The following RAP1A variants were observed in gnomAD, a reference collection of about 807,000 sequenced individuals.
RAP1A encodes the protein RAP1A, member of RAS oncogene family.
RAP1A carries 6 observed loss-of-function variants against 26.4 expected under a neutral mutation model. The ratio of observed to expected loss-of-function variants is 0.23; its 90% confidence interval spans 0.12 to 0.45. The LOEUF (loss-of-function observed/expected upper bound fraction) is 0.45, where lower values mean the gene tolerates loss of function less well. Among genes scored for constraint, RAP1A ranks in the 20% least tolerant of loss-of-function variants. The pLI, the probability that RAP1A is intolerant of heterozygous loss-of-function variation, is 0.99. For synonymous variants in RAP1A, 73 were observed against 79.4 expected (o/e 0.92, Z 0.43); for missense variants, 121 against 217.2 (o/e 0.56, Z 2.78).
chr1:111,607,766 T>A (rs1159859089), intron 1 of RAP1A, among the ~76,000 whole-genome samples: 3,939 of 79,594 alleles, frequency 0.049, 3 homozygotes, highest in Admixed American at 0.084. Context: ...TAGGGGCGGC[T>A]GGGCAGAGGC....
intron 1 of RAP1A, among the ~76,000 whole-genome samples, chr1:111,590,412 G>A (rs1425994291): frequency 6.6e-6 from 1 of 151,786 alleles, no homozygotes; most frequent in Non-Finnish European, 1.5e-5. Context: ...ATTATTTGCT[G>A]TAAATTTTGG....
chr1:111,676,919 G>A (rs1318857693), intron 1 of RAP1A, among the ~76,000 whole-genome samples: 2 of 151,710 alleles, frequency 1.3e-5, no homozygotes, highest in Admixed American at 1.3e-4. Flanking sequence ...TCAGCCTCCC[G>A]AGTAGCCAGG....
chr1:111,694,945 T>A (rs1661780417), intron 2 of RAP1A, among the ~76,000 whole-genome samples: 1 of 152,030 alleles, frequency 6.6e-6, no homozygotes, highest in Non-Finnish European at 1.5e-5. Flanking sequence ...TAAAAAAAAA[T>A]TAGAACCTTT....
chr1:111,554,460 T>A (rs1657400022), intron 1 of RAP1A, among the ~76,000 whole-genome samples: 1 of 152,306 alleles, frequency 6.6e-6, no homozygotes, highest in South Asian at 2.1e-4. Context: ...TTCTAGAACA[T>A]TTGCTGGTCC....
chr1:111,542,329 G>T, exon 1 of RAP1A: 1 of 467,578 alleles, frequency 2.1e-6, no homozygotes, highest in Non-Finnish European at 4.3e-6. Flanking sequence ...AAAGAGAAGT[G>T]TCTGTGTGGC....
chr1:111,623,507 A>G (rs1659287089), intron 1 of RAP1A, among the ~76,000 whole-genome samples: 1 of 152,150 alleles, frequency 6.6e-6, no homozygotes, highest in Admixed American at 6.5e-5. Context: ...CCGAGGTTCA[A>G]GGGATTCTCC....
At chr1:111,624,812 A>G (rs1659343286) in intron 1 of RAP1A, among the ~76,000 whole-genome samples, 1 of 152,242 alleles carries the variant, frequency 6.6e-6, no homozygotes, top group African/African-American at 2.4e-5. Flanking sequence ...TGATATACGC[A>G]TGGAAAATTA....
intron 1 of RAP1A, among the ~76,000 whole-genome samples, chr1:111,557,834 G>A (rs1657564633): frequency 6.6e-6 from 1 of 152,140 alleles, no homozygotes; most frequent in Admixed American, 6.5e-5. Flanking sequence ...AACAGTGACA[G>A]CATAAAAATT....
intron 1 of RAP1A, among the ~76,000 whole-genome samples, chr1:111,563,420 G>A (rs534181068): frequency 1.3e-5 from 2 of 152,328 alleles, no homozygotes; most frequent in East Asian, 3.9e-4. Flanking sequence ...TCAGGATGTG[G>A]CTCCTTAAGT....
intron 1 of RAP1A, among the ~76,000 whole-genome samples, chr1:111,690,047 G>C (rs993454351): frequency 1.3e-5 from 2 of 152,084 alleles, no homozygotes; most frequent in Non-Finnish European, 2.9e-5. Context: ...AATTTTATAT[G>C]GTTGAGTGGT....
chr1:111,690,398 G>A (rs1408430519), intron 1 of RAP1A, among the ~76,000 whole-genome samples: 1 of 152,172 alleles, frequency 6.6e-6, no homozygotes, highest in African/African-American at 2.4e-5. Flanking sequence ...GAATCCTTCT[G>A]CAGATTTCTG....
intron 1 of RAP1A, among the ~76,000 whole-genome samples, chr1:111,655,751 G>A (rs1660436705): frequency 7.3e-6 from 1 of 137,504 alleles, no homozygotes; most frequent in African/African-American, 2.8e-5. Context: ...CTTGCTCACT[G>A]CAAGCTCCGT....
At position 111,715,592 on chromosome 1, in the gene RAP1A, G is replaced by A. The variant is rs559386107; in HGVS notation, c.*3191G>A. Reference sequence around the variant, plus strand: ...TCTTAAGAACTTTTGGCAAAATATGGATGTTGGTGTGTTACTCTCTTCTCC... The same window carrying A: ...TCTTAAGAACTTTTGGCAAAATATGAATGTTGGTGTGTTACTCTCTTCTCC... On this transcript the variant is annotated 3_prime_UTR_variant, in exon 8 of 8. Coordinates refer to ENST00000369709, the MANE Select transcript of RAP1A (RefSeq NM_002884.4). 9 of 152,310 alleles carry A rather than the reference G, an allele frequency of 5.9e-5. No homozygotes were observed. The South Asian group carries it at 1.9e-3, about 32-fold the overall frequency. 9.4% of individuals were successfully genotyped at this position (152,310 alleles called of 1,614,324 possible).
chr1:111,575,535 T>C (rs1217063159), intron 1 of RAP1A, among the ~76,000 whole-genome samples: 3 of 152,224 alleles, frequency 2.0e-5, no homozygotes, highest in South Asian at 4.1e-4. Flanking sequence ...ATAGTTGTTA[T>C]GGGCTAAATG....
intron 1 of RAP1A, among the ~76,000 whole-genome samples, chr1:111,679,317 A>G (rs1254814222): frequency 6.6e-6 from 1 of 152,118 alleles, no homozygotes; most frequent in Non-Finnish European, 1.5e-5. Context: ...AGCCAAGGGA[A>G]GCCGTGAGGG....
intron 1 of RAP1A, among the ~76,000 whole-genome samples, chr1:111,580,072 A>G (rs898451940): frequency 6.6e-6 from 1 of 152,196 alleles, no homozygotes; most frequent in African/African-American, 2.4e-5. Context: ...CTAGGATTAC[A>G]GGTGTGAGAC....
chr1:111,697,089 A>G (rs554855820), intron 3 of RAP1A, among the ~76,000 whole-genome samples: 3 of 152,348 alleles, frequency 2.0e-5, no homozygotes, highest in Admixed American at 6.5e-5. Flanking sequence ...TGGAGATAAT[A>G]TAAATACACA....
intron 3 of RAP1A, 24 bp downstream of exon 3, chr1:111,695,433 C>T (rs1273308794): frequency 6.8e-7 from 1 of 1,468,554 alleles, no homozygotes; most frequent in Non-Finnish European, 9.2e-7. Flanking sequence ...CTTGTACACA[C>T]ATGCTTACAA....
At chr1:111,562,998 C>A (rs545532847) in intron 1 of RAP1A, among the ~76,000 whole-genome samples, 1 of 152,268 alleles carries the variant, frequency 6.6e-6, no homozygotes, top group East Asian at 1.9e-4. Flanking sequence ...CTCACAACAG[C>A]CTTTTATAAA....
Sources: gnomAD v4.1 joint callset for allele counts (sites outside exome capture counted in the v4.1 genomes callset) on GRCh38, gnomAD v4.1.1 for gene constraint, MANE v1.5 for transcripts, NCBI Gene and HGNC (gene_info 2026-07-23, HGNC 2026-07-21) for gene names.